The following ATXN10 variants were observed in gnomAD, a reference collection of about 807,000 sequenced individuals.
ATXN10 encodes the protein ataxin-10.
In ATXN10, 28 loss-of-function variants were observed where a neutral mutation model predicts 52.9. That is an observed-to-expected ratio of 0.53 (90% CI 0.39 to 0.73). The LOEUF is 0.73. Ranked by LOEUF, ATXN10 falls within the 30% of genes least tolerant of loss-of-function variation. The pLI, the probability that ATXN10 is intolerant of heterozygous loss-of-function variation, is 0.00. For synonymous variants in ATXN10, 226 were observed against 221.5 expected (o/e 1.02, Z -0.18); for missense variants, 565 against 577.0 (o/e 0.98, Z 0.21).
Position 45,843,622 on chromosome 22 carries a change from G to A in ATXN10, c.1426-47G>A. 6.3e-7 allele frequency: 1 copy of A among 1,597,706 alleles called. No homozygotes were observed. Among genetic ancestry groups the A allele is most frequent in the Non-Finnish European group, 8.6e-7 (1 of 1,166,746 alleles). ...TCCCCTTTTGTCTGATGAATCTTGT[G>A]AACAGATTTGCTACATCTGCAATTT... On this transcript the variant is annotated intron_variant, in intron 11 of 11. Transcript: ENST00000252934. This position sits in a 1 kb window ranked among gnomAD's most constrained non-coding sequence, Gnocchi z 4.5.
At position 45,844,496 on chromosome 22, in the gene ATXN10, A is replaced by G. The variant is rs1174597929; in HGVS notation, c.*825A>G. The G allele has an allele frequency of 1.3e-5, 2 of 152,208 alleles. No homozygotes were observed. Among genetic ancestry groups the G allele is most frequent in the African/African-American group, 4.8e-5 (2 of 41,438 alleles). 9.4% of individuals were successfully genotyped at this position (152,208 alleles called of 1,614,324 possible). On this transcript the variant is annotated 3_prime_UTR_variant, in exon 12 of 12. Transcript: ENST00000252934. The stretch of plus-strand genomic sequence containing the variant: ...AAAGCACCAGTCTCATAAAGGTGCC[A>G]CTCAGTTTTAGCCATGTCTTCACTG...
intron 9 of ATXN10, among the ~76,000 whole-genome samples, chr22:45,767,688 AAG>A (rs1569056671): frequency 6.6e-6 from 1 of 152,206 alleles, no homozygotes; most frequent in African/African-American, 2.4e-5. Context: ...AAAGAAAAAA[AAG>A]GGAGAGGGTT....
chr22:45,753,345 G>A (rs1016242001), intron 9 of ATXN10, among the ~76,000 whole-genome samples: 7 of 138,472 alleles, frequency 5.1e-5, no homozygotes, highest in East Asian at 2.1e-4. Context: ...TCATCTCCTC[G>A]GGTCCTAGAG....
rs537606334 is a variant in ATXN10 at position 45,804,035 on chromosome 22, G to C, written c.1174-2924G>C. Among the ~76,000 whole-genome samples the C allele has an allele frequency of 4.3e-4, 65 of 152,040 alleles. 1 individual carries two copies. Among genetic ancestry groups the C allele is most frequent in the Non-Finnish European group, 8.2e-4 (56 of 68,016 alleles). ...ATTTGGATAGGATATAGTATAAAAT[G>C]AATGACTAGAAAAATAAATCTAAAA... On this transcript the variant is annotated intron_variant, in intron 9 of 11. Transcript: ENST00000252934.
At chr22:45,746,174 AT>A (rs1925718021) in intron 9 of ATXN10, among the ~76,000 whole-genome samples, 1 of 151,876 alleles carries the variant, frequency 6.6e-6, no homozygotes, top group Non-Finnish European at 1.5e-5. Flanking sequence ...TTAATCTTAA[AT>A]AAAATTTAAG....
rs1923516863 is a variant in ATXN10 at position 45,694,588 on chromosome 22, C to T, written c.391+1510C>T. Reference sequence around the variant, plus strand: ...TTTGAGGTCAGGAGTTCAAGACCAGCCTGGCCAACATGGTGAAACCCCCTC... The same window carrying T: ...TTTGAGGTCAGGAGTTCAAGACCAGTCTGGCCAACATGGTGAAACCCCCTC... On this transcript the variant is annotated intron_variant, in intron 3 of 11. Transcript: ENST00000252934. Among the ~76,000 whole-genome samples, 2 of 151,776 alleles carry T rather than the reference C, an allele frequency of 1.3e-5. 1 individual carries two copies. Among genetic ancestry groups the T allele is most frequent in the South Asian group, 4.2e-4 (2 of 4,806 alleles).
chr22:45,741,337 A>G (rs1252034353), intron 9 of ATXN10, among the ~76,000 whole-genome samples: 1 of 152,208 alleles, frequency 6.6e-6, no homozygotes, highest in East Asian at 1.9e-4. Context: ...GCAATCAAAT[A>G]TGTGATCCTA....
At chr22:45,796,510 T>C in intron 9 of ATXN10, among the ~76,000 whole-genome samples, 1 of 152,190 alleles carries the variant, frequency 6.6e-6, no homozygotes, top group East Asian at 1.9e-4. Context: ...AAGTTACTGC[T>C]TTTGTGGCTC....
Position 45,826,993 on chromosome 22 carries a change from T to A in ATXN10, c.1238-15998T>A, listed in dbSNP as rs1335008440. Among the ~76,000 whole-genome samples, 1 of 152,116 alleles carries A rather than the reference T, an allele frequency of 6.6e-6. No homozygotes were observed. The highest frequency in any genetic ancestry group is 2.4e-5 in the African/African-American group (1 of 41,404). On this transcript the variant is annotated intron_variant, in intron 10 of 11. Transcript: ENST00000252934. The surrounding 1 kb of genome is among the most constrained non-coding windows in gnomAD (Gnocchi z 5.0). ...GGGTACACAGCATATAAGGTTTTAA[T>A]TTTTTTTATGTTAACCGAAAGGAGT...
At chr22:45,710,513 T>C (rs1924204659) in intron 5 of ATXN10, among the ~76,000 whole-genome samples, 1 of 152,208 alleles carries the variant, frequency 6.6e-6, no homozygotes, top group African/African-American at 2.4e-5. Flanking sequence ...ATACAAATCT[T>C]ATTTGCTTTC....
intron 6 of ATXN10, among the ~76,000 whole-genome samples, chr22:45,725,493 C>T (rs995768084): frequency 3.3e-5 from 5 of 150,306 alleles, no homozygotes; most frequent in Non-Finnish European, 5.9e-5. Context: ...ACCAGTGCTA[C>T]TGATTTGTGT....
chr22:45,799,781 A>G lies in ATXN10; in HGVS notation c.1174-7178A>G, dbSNP rs551107984. On this transcript the variant is annotated intron_variant, in intron 9 of 11. Transcript: ENST00000252934. ...AATTGCCAAAACAATTTTGAAAACA[A>G]AACAAAGAGGATTATATTACTTCTT... 1.5e-3 allele frequency among the ~76,000 whole-genome samples: 227 copies of G among 152,358 alleles called. 1 individual carries two copies. Among genetic ancestry groups the G allele is most frequent in the African/African-American group, 5.1e-3 (211 of 41,580 alleles).
chr22:45,776,362 T>A (rs1268102409), intron 9 of ATXN10, among the ~76,000 whole-genome samples: 2 of 152,202 alleles, frequency 1.3e-5, no homozygotes, highest in African/African-American at 2.4e-5. Context: ...ACGAAGATGA[T>A]CATGTCTGCA....
At chr22:45,793,748 AT>A in intron 9 of ATXN10, 1 of 1,432,378 alleles carries the variant, frequency 7.0e-7, no homozygotes, top group Non-Finnish European at 9.2e-7. Context: ...GCCACCCCCG[AT>A]TCCTGCCTTT....
In ATXN10 at chr22:45,824,461, A is replaced by G. The variant is rs1285830037; in HGVS notation, c.1237+17439A>G. On this transcript the variant is annotated intron_variant, in intron 10 of 11. Coordinates refer to ENST00000252934, the MANE Select transcript of ATXN10 (RefSeq NM_013236.4). This position sits in a 1 kb window ranked among gnomAD's most constrained non-coding sequence, Gnocchi z 5.2. ...TAACTCTCCTCAAGGCACTAAATTGATATTTAGAGTAAACATAGGCACCAT... is the reference window on the plus strand; with the variant it reads ...TAACTCTCCTCAAGGCACTAAATTGGTATTTAGAGTAAACATAGGCACCAT... Among the ~76,000 whole-genome samples the G allele has an allele frequency of 6.6e-6, 1 of 152,152 alleles. No homozygotes were observed. The highest frequency in any genetic ancestry group is 1.5e-5 in the Non-Finnish European group (1 of 68,022).
Position 45,689,716 on chromosome 22 carries a change from A to G in ATXN10, c.121A>G (p.Thr41Ala). Reference sequence around the variant, plus strand: ...GATAATTTTATCCTTTTTCAGAGAAACAGCACCCAGGACTATCTTCCAAAG... The same window carrying G: ...GATAATTTTATCCTTTTTCAGAGAAGCAGCACCCAGGACTATCTTCCAAAG... Reference protein sequence around the residue: ...ALFKEQRNRETAPRTIFQRVL... With the variant: ...ALFKEQRNREAAPRTIFQRVL... Residue 41 changes from threonine to alanine, a missense_variant, in exon 2 of 12, where the codon ACA becomes GCA. Physicochemically the swap from Thr to Ala is moderately conservative, Grantham distance 58. Coordinates refer to ENST00000252934, the MANE Select transcript of ATXN10 (RefSeq NM_013236.4). The G allele has an allele frequency of 3.7e-6, 6 of 1,613,978 alleles. No homozygotes were observed. Among genetic ancestry groups the G allele is most frequent in the Non-Finnish European group, 4.2e-6 (5 of 1,179,874 alleles).
chr22:45,784,627 G>T lies in ATXN10; in HGVS notation c.1174-22332G>T, dbSNP rs929208533. 6.6e-6 allele frequency among the ~76,000 whole-genome samples: 1 copy of T among 152,060 alleles called. No individual in the cohort carries two copies. The highest frequency in any genetic ancestry group is 2.4e-5 in the African/African-American group (1 of 41,400). On this transcript the variant is annotated intron_variant, in intron 9 of 11. Coordinates refer to ENST00000252934, the MANE Select transcript of ATXN10 (RefSeq NM_013236.4). This position sits in a 1 kb window ranked among gnomAD's most constrained non-coding sequence, Gnocchi z 4.2. ...CAGGAGGCTGGCTTCCTGTGGGCTC[G>T]CCTGTCGACCCCCTCCCTGTGCCCA...
chr22:45,692,055 T>TA (rs1923403372), intron 2 of ATXN10, among the ~76,000 whole-genome samples: 1 of 152,206 alleles, frequency 6.6e-6, no homozygotes, highest in African/African-American at 2.4e-5. Flanking sequence ...ACAGGCTGGT[T>TA]ATGGGGTGTA....
At chr22:45,693,575 A>T (rs1044164090) in intron 3 of ATXN10, among the ~76,000 whole-genome samples, 1 of 152,128 alleles carries the variant, frequency 6.6e-6, no homozygotes, top group Non-Finnish European at 1.5e-5. Flanking sequence ...GTCACTTCCC[A>T]AAGGCCCCAT....
Sources: allele counts gnomAD v4.1 joint callset (sites outside exome capture counted in the v4.1 genomes callset), GRCh38; gene constraint gnomAD v4.1.1; non-coding constraint Gnocchi (gnomAD v3.1); transcripts MANE v1.5; gene names NCBI Gene and HGNC (gene_info 2026-07-23, HGNC 2026-07-21).